The following SGCZ variants were observed in gnomAD, a reference collection of about 807,000 sequenced individuals.
SGCZ encodes the protein zeta-sarcoglycan.
SGCZ carries 40 observed loss-of-function variants against 41.3 expected under a neutral mutation model. The observed-to-expected ratio is 0.97, with a 90% CI of 0.75 to 1.26. The LOEUF (loss-of-function observed/expected upper bound fraction) is 1.26, where lower values mean the gene tolerates loss of function less well. Among genes scored for constraint, SGCZ ranks in the 50% most tolerant of loss-of-function variants. The probability of loss-of-function intolerance (pLI) is 0.00; values close to 1 mark genes in which losing one functional copy is unlikely to be tolerated. For missense variants in SGCZ, 552 were observed against 369.8 expected, an observed-to-expected ratio of 1.49 and a Z score of -4.04; for synonymous variants, 206 against 137.5, an observed-to-expected ratio of 1.50 and a Z score of -3.49.
At chr8:14,838,627 C>T (rs1480870053) in intron 1 of SGCZ, among the ~76,000 whole-genome samples, 1 of 152,182 alleles carries the variant, frequency 6.6e-6, no homozygotes, top group Non-Finnish European at 1.5e-5. Context: ...AAGGCTCTAG[C>T]CTCTGATTTT....
intron 1 of SGCZ, among the ~76,000 whole-genome samples, chr8:14,746,395 G>C (rs2130300201): frequency 6.6e-6 from 1 of 152,050 alleles, no homozygotes; most frequent in Middle Eastern, 3.4e-3. Flanking sequence ...TAATAGACAA[G>C]TCCACTATTG....
At chr8:14,412,856 G>T (rs1404476837) in intron 2 of SGCZ, among the ~76,000 whole-genome samples, 1 of 151,970 alleles carries the variant, frequency 6.6e-6, no homozygotes, top group Non-Finnish European at 1.5e-5. Flanking sequence ...TCTGAAACTT[G>T]ATAGATATGG....
intron 7 of SGCZ, among the ~76,000 whole-genome samples, chr8:14,092,821 G>C (rs1478621931): frequency 6.6e-6 from 1 of 151,886 alleles, no homozygotes; most frequent in Non-Finnish European, 1.5e-5. Context: ...GTATGTCTTT[G>C]TCGGCAATGT....
At chr8:14,763,319 C>G (rs6990580) in intron 1 of SGCZ, among the ~76,000 whole-genome samples, 1 of 152,088 alleles carries the variant, frequency 6.6e-6, no homozygotes. Flanking sequence ...CATTTTAATA[C>G]GGTGGACAAA....
chr8:14,480,198 A>C (rs759755598), intron 2 of SGCZ, among the ~76,000 whole-genome samples: 18 of 152,212 alleles, frequency 1.2e-4, no homozygotes, highest in Non-Finnish European at 2.4e-4. Context: ...CTATTTATAC[A>C]TTGGCCATAT....
At chr8:14,649,296 A>T (rs906469051) in intron 1 of SGCZ, among the ~76,000 whole-genome samples, 5 of 152,100 alleles carry the variant, frequency 3.3e-5, no homozygotes, top group Admixed American at 2.6e-4. Context: ...CAGACTCTTG[A>T]GCAACTAAGT....
At chr8:14,525,399 T>A (rs1451497841) in intron 2 of SGCZ, among the ~76,000 whole-genome samples, 1 of 152,162 alleles carries the variant, frequency 6.6e-6, no homozygotes, top group Non-Finnish European at 1.5e-5. Context: ...TGGAAGCAAT[T>A]GAATATTTCT....
At chr8:14,472,551 A>G (rs141024648) in intron 2 of SGCZ, among the ~76,000 whole-genome samples, 24 of 152,220 alleles carry the variant, frequency 1.6e-4, no homozygotes, top group African/African-American at 5.3e-4. Context: ...TATCCCAACC[A>G]TATACTGGGA....
At position 14,353,435 on chromosome 8, in the gene SGCZ, A is replaced by C. The variant is rs1216077037; in HGVS notation, c.235-29231T>G. On this transcript the variant is annotated intron_variant, in intron 2 of 7. Coordinates refer to ENST00000382080, the MANE Select transcript of SGCZ (RefSeq NM_139167.4). ...CCTTCTACTCACATAACTCTTTAGA[A>C]CCCAGACCACTATTTTCAACTATCC... Among the ~76,000 whole-genome samples, 3 of 151,984 alleles carry C rather than the reference A, an allele frequency of 2.0e-5. No individual in the cohort carries two copies. In the East Asian group the frequency reaches 5.8e-4, roughly 29 times the overall value.
At chr8:14,113,970 G>A (rs1194275998) in intron 5 of SGCZ, among the ~76,000 whole-genome samples, 2 of 151,992 alleles carry the variant, frequency 1.3e-5, no homozygotes. Context: ...TATAGTATCT[G>A]TGAAACATTT....
At chr8:15,203,254 T>G (rs2117139263) in intron 1 of SGCZ, among the ~76,000 whole-genome samples, 1 of 152,342 alleles carries the variant, frequency 6.6e-6, no homozygotes, top group Admixed American at 6.5e-5. Flanking sequence ...TAAGTAAATT[T>G]AAATGTAAAT....
chr8:14,767,167 T>A (rs1585243008), intron 1 of SGCZ, among the ~76,000 whole-genome samples: 1 of 152,154 alleles, frequency 6.6e-6, no homozygotes. Flanking sequence ...GATGATGAGA[T>A]GTGGCAGAAA....
chr8:15,086,257 T>C (rs940780503), intron 1 of SGCZ, among the ~76,000 whole-genome samples: 1 of 152,142 alleles, frequency 6.6e-6, no homozygotes, highest in South Asian at 2.1e-4. Context: ...TGTCTCTGTG[T>C]TCAGAAATCA....
intron 1 of SGCZ, among the ~76,000 whole-genome samples, chr8:14,894,251 A>G (rs1805117142): frequency 2.0e-5 from 3 of 152,082 alleles, no homozygotes; most frequent in Admixed American, 2.0e-4. Context: ...TGCTTTCCGA[A>G]TTAAGTTAAG....
chr8:14,280,838 T>C (rs928011540), intron 3 of SGCZ, among the ~76,000 whole-genome samples: 2 of 151,406 alleles, frequency 1.3e-5, no homozygotes, highest in East Asian at 3.9e-4. Flanking sequence ...TGAAAGGTGG[T>C]TTCACTGGCC....
chr8:14,768,322 A>C (rs192643052), intron 1 of SGCZ, among the ~76,000 whole-genome samples: 1 of 152,186 alleles, frequency 6.6e-6, no homozygotes, highest in Middle Eastern at 3.2e-3. Context: ...GATACTTTAT[A>C]AAGTGCAGTA....
intron 1 of SGCZ, among the ~76,000 whole-genome samples, chr8:14,828,609 C>T (rs936622256): frequency 7.2e-5 from 11 of 152,152 alleles, no homozygotes; most frequent in Admixed American, 3.9e-4. Flanking sequence ...CACAATCAAA[C>T]CAGTGGCTAT....
chr8:15,006,534 G>A (rs1802610009), intron 1 of SGCZ, among the ~76,000 whole-genome samples: 1 of 152,144 alleles, frequency 6.6e-6, no homozygotes, highest in South Asian at 2.1e-4. Flanking sequence ...ATTAGCCATT[G>A]TTTACCCCAC....
chr8:14,722,868 A>G (rs1471023066), intron 1 of SGCZ, among the ~76,000 whole-genome samples: 1 of 152,212 alleles, frequency 6.6e-6, no homozygotes, highest in Non-Finnish European at 1.5e-5. Context: ...ATGTGTGTAA[A>G]GTCGGAAATA....
Sources: gnomAD v4.1 joint callset for allele counts (sites outside exome capture counted in the v4.1 genomes callset) on GRCh38, gnomAD v4.1.1 for gene constraint, MANE v1.5 for transcripts, NCBI Gene and HGNC (gene_info 2026-07-23, HGNC 2026-07-21) for gene names.